Variants in CELA2B observed in about 807,000 individuals in gnomAD.
CELA2B encodes chymotrypsin like elastase 2B, also known as chymotrypsin-like elastase family member 2B.
CELA2B carries 27 observed loss-of-function variants against 36.5 expected under a neutral mutation model. The ratio of observed to expected loss-of-function variants is 0.74; its 90% CI spans 0.55 to 1.02. The LOEUF (loss-of-function observed/expected upper bound fraction) is 1.02. CELA2B is among the 50% of genes least tolerant of loss of function. The pLI, the probability that CELA2B is intolerant of heterozygous loss-of-function variation, is 0.00. For synonymous variants in CELA2B, 143 were observed against 148.5 expected, an observed-to-expected ratio of 0.96 and a Z score of 0.27; for missense variants, 340 against 347.8, an observed-to-expected ratio of 0.98 and a Z score of 0.18.
chr1:15,481,313 T>C (rs1439492857), intron 3 of CELA2B, 118 bp downstream of exon 3: 2 of 1,199,600 alleles, frequency 1.7e-6, no homozygotes, highest in African/African-American at 1.5e-5. Context: ...ACCACTAGCC[T>C]GGCCGAGACA....
rs566599564 is a variant in CELA2B at position 15,482,478 on chromosome 1, C to A, written c.356+85C>A. ...ACAGAGGCAAAGGTCTCAACCCCAC[C>A]ACACCCCCTCTGCTTTTTCTATAGG... On this transcript the variant is annotated intron_variant, in intron 4 of 7. Coordinates refer to ENST00000375910, the MANE Select transcript of CELA2B (RefSeq NM_015849.3). 1.1e-5 allele frequency: 17 copies of A among 1,560,544 alleles called. No individual in the cohort carries two copies. The Admixed American group carries it at 1.2e-4, about 11-fold the overall frequency.
chr1:15,476,400 A>G (rs1708670496), intron 1 of CELA2B, 57 bp from the exon 2 acceptor site: 1 of 1,546,898 alleles, frequency 6.5e-7, no homozygotes, highest in East Asian at 2.2e-5. Flanking sequence ...CAGCATGTAT[A>G]GTTTACATTG....
At chr1:15,486,882 C>T (rs1449778680) in intron 6 of CELA2B, among the ~76,000 whole-genome samples, 2 of 152,182 alleles carry the variant, frequency 1.3e-5, no homozygotes, top group African/African-American at 4.8e-5. Context: ...CCCACATAGA[C>T]CACCTGCGGG....
intron 2 of CELA2B, among the ~76,000 whole-genome samples, chr1:15,478,706 G>C (rs1261424847): frequency 2.0e-5 from 3 of 151,492 alleles, no homozygotes; most frequent in Admixed American, 1.3e-4. Context: ...CCTAGAATTA[G>C]AGATGTGTGC....
In CELA2B at chr1:15,487,432, A is replaced by C; in HGVS notation, c.787A>C (p.Asn263His). 6.2e-7 allele frequency: 1 copy of C among 1,614,254 alleles called. No homozygotes were observed. The highest frequency in any genetic ancestry group is 8.5e-7 in the Non-Finnish European group (1 of 1,180,048). ...TRVSNYNDWINSVIANN is the reference protein window; with the variant it reads ...TRVSNYNDWIHSVIANN ...GGTCTCCAACTACAACGACTGGATC[A>C]ATTCGGTAAGAACCGGAGCAGCCCT... The change falls in exon 7 of 8, where the codon AAT becomes CAT. Residue 263 changes from asparagine (N) to histidine (H), a missense_variant. Coordinates refer to ENST00000375910, the MANE Select transcript of CELA2B (RefSeq NM_015849.3).
intron 7 of CELA2B, among the ~76,000 whole-genome samples, chr1:15,489,415 G>A (rs924627741): frequency 2.0e-5 from 3 of 152,210 alleles, no homozygotes; most frequent in African/African-American, 7.2e-5. Context: ...GCCCGGTAAC[G>A]GGTTTCAGAA....
chr1:15,484,901 AT>A (rs1173212338), intron 5 of CELA2B, among the ~76,000 whole-genome samples: 1,684 of 145,496 alleles, frequency 0.012, 22 homozygotes, highest in African/African-American at 0.034. Context: ...AAAAAGCTTG[AT>A]TTTTTTTTTT....
At chr1:15,489,737 G>T (rs1412300210) in intron 7 of CELA2B, among the ~76,000 whole-genome samples, 1 of 152,150 alleles carries the variant, frequency 6.6e-6, no homozygotes, top group Non-Finnish European at 1.5e-5. Flanking sequence ...GCAATCCTTA[G>T]TTTTTATTCT....
rs947268958 is a variant in CELA2B, at chr1:15,484,244, G to A, written c.493+844G>A. Among the ~76,000 whole-genome samples the A allele has an allele frequency of 1.1e-4, 17 of 152,074 alleles. No homozygotes were observed. The East Asian group carries it at 1.2e-3, about 10-fold the overall frequency. On this transcript the variant is annotated intron_variant, in intron 5 of 7. Transcript: ENST00000375910. The stretch of plus-strand genomic sequence containing the variant: ...CATTTGGTCTTGCTACTGAGAACCC[G>A]GCTGAGGGTGGGTCTTCTTTGACAT...
At chr1:15,479,019 G>T (rs1429743973) in intron 2 of CELA2B, among the ~76,000 whole-genome samples, 6 of 152,252 alleles carry the variant, frequency 3.9e-5, no homozygotes, top group Non-Finnish European at 7.3e-5. Context: ...TTCAAATCTG[G>T]TTCAGTGCTT....
At chr1:15,482,472 C>T in intron 4 of CELA2B, 79 bp downstream of exon 4, 2 of 1,566,322 alleles carry the variant, frequency 1.3e-6, no homozygotes, top group Non-Finnish European at 1.8e-6. Context: ...AAGGTCTCAA[C>T]CCCACCACAC....
chr1:15,479,741 A>G (rs1191225508), intron 2 of CELA2B, among the ~76,000 whole-genome samples: 2 of 152,204 alleles, frequency 1.3e-5, no homozygotes, highest in African/African-American at 2.4e-5. Flanking sequence ...TGGTCACAGA[A>G]GGCCTCATGG....
intron 7 of CELA2B, 81 bp from the exon 8 acceptor site, chr1:15,491,214 G>A: frequency 1.3e-6 from 2 of 1,566,020 alleles, no homozygotes; most frequent in Non-Finnish European, 1.8e-6. Context: ...GCTTAGCCCA[G>A]GAGGACAGAG....
In CELA2B at chr1:15,476,892, G is replaced by C. The variant is rs544976339; in HGVS notation, c.129+347G>C. On this transcript the variant is annotated intron_variant, in intron 2 of 7. Coordinates refer to ENST00000375910, the MANE Select transcript of CELA2B (RefSeq NM_015849.3). ...AGCATCTCGGGAGGCTGAGGCAGGA[G>C]AAAGACTTGAACCTGAGAGGCAGAA... is the stretch of plus-strand genomic sequence containing the variant. Among the ~76,000 whole-genome samples, 31 of 152,312 alleles carry C rather than the reference G, an allele frequency of 2.0e-4. 1 individual carries two copies. The South Asian group carries it at 6.2e-3, about 31-fold the overall frequency.
intron 6 of CELA2B, 87 bp downstream of exon 6, chr1:15,486,133 T>A: frequency 1.3e-6 from 2 of 1,513,578 alleles, no homozygotes; most frequent in Non-Finnish European, 1.8e-6. Flanking sequence ...CCTCCATAGG[T>A]CCATCCTCCG....
In CELA2B at chr1:15,482,401, T is replaced by C; in HGVS notation, c.356+8T>C. ...CGACCAGGTCTCCAAAGGGTTCGTT[T>C]CTATCTGGGTGCACTTGGGGGTGAG... On this transcript the variant is annotated splice_region_variant and intron_variant, in intron 4 of 7. Transcript: ENST00000375910. 1 of 1,613,968 alleles carries C rather than the reference T, an allele frequency of 6.2e-7. No individual in the cohort carries two copies. The highest frequency in any genetic ancestry group is 1.1e-5 in the South Asian group (1 of 91,084).
intron 6 of CELA2B, 23 bp from the exon 7 acceptor site, chr1:15,487,262 C>T (rs1301319722): frequency 1.2e-6 from 2 of 1,612,044 alleles, no homozygotes; most frequent in Admixed American, 1.7e-5. Context: ...ACTTCAACTC[C>T]CTATAACTCT....
Sources: allele counts gnomAD v4.1 joint callset (sites outside exome capture counted in the v4.1 genomes callset), GRCh38; gene constraint gnomAD v4.1.1; transcripts MANE v1.5; gene names NCBI Gene and HGNC (gene_info 2026-07-23, HGNC 2026-07-21).